The following CAV1 variants were observed in gnomAD, a reference collection of about 807,000 sequenced individuals.
The protein encoded by CAV1 is caveolin-1.
In CAV1, 10 loss-of-function variants were observed where a neutral mutation model predicts 16.5. The ratio of observed to expected loss-of-function variants is 0.61; its 90% CI spans 0.37 to 1.03. The LOEUF is 1.03. CAV1 is among the 50% of genes least tolerant of loss of function. The pLI is 0.01. For missense variants in CAV1, 212 were observed against 232.8 expected, an observed-to-expected ratio of 0.91 and a Z score of 0.58; for synonymous variants, 76 against 85.1, an observed-to-expected ratio of 0.89 and a Z score of 0.59.
intron 2 of CAV1, among the ~76,000 whole-genome samples, chr7:116,552,324 T>G (rs1794180067): frequency 6.6e-6 from 1 of 152,218 alleles, no homozygotes; most frequent in Non-Finnish European, 1.5e-5. Context: ...CTGATACAAT[T>G]TAGGTAGTGT....
At chr7:116,537,998 C>T (rs1793859512) in intron 2 of CAV1, among the ~76,000 whole-genome samples, 1 of 152,114 alleles carries the variant, frequency 6.6e-6, no homozygotes, top group African/African-American at 2.4e-5. Context: ...CCCTGATCAC[C>T]CAAGTTGGCC....
intron 2 of CAV1, among the ~76,000 whole-genome samples, chr7:116,556,959 C>G (rs111383874): frequency 0.014 from 2,173 of 152,294 alleles, 45 homozygotes; most frequent in African/African-American, 0.049. Flanking sequence ...TGCAGGAAAA[C>G]CAGAGCCCCT....
intron 2 of CAV1, among the ~76,000 whole-genome samples, chr7:116,539,181 T>C (rs990067759): frequency 6.6e-6 from 1 of 152,142 alleles, no homozygotes; most frequent in African/African-American, 2.4e-5. Context: ...CTCCTCAGAA[T>C]CAGCATCTCT....
chr7:116,558,868 T>C (rs1794344484), intron 2 of CAV1, 78 bp from the exon 3 acceptor site: 1 of 1,070,904 alleles, frequency 9.3e-7, no homozygotes, highest in African/African-American at 1.6e-5. Context: ...ACAGTATATG[T>C]CTATGGATAC....
At chr7:116,534,643 G>A (rs193278634) in intron 2 of CAV1, among the ~76,000 whole-genome samples, 2,740 of 151,192 alleles carry the variant, frequency 0.018, 30 homozygotes, top group Non-Finnish European at 0.026. Context: ...CTTGTGATCC[G>A]CTCGCCTCGG....
chr7:116,552,946 T>C (rs1794193707), intron 2 of CAV1, among the ~76,000 whole-genome samples: 1 of 152,226 alleles, frequency 6.6e-6, no homozygotes. Context: ...GACTGTAAAT[T>C]TTGAGCAGGC....
In CAV1 at chr7:116,559,127, A is replaced by G. The variant is rs749650689; in HGVS notation, c.377A>G (p.His126Arg). 1.2e-6 allele frequency: 2 copies of G among 1,613,980 alleles called. No homozygotes were observed. Among genetic ancestry groups the G allele is most frequent in the African/African-American group, 2.7e-5 (2 of 75,032 alleles). Residue 126 changes from histidine to arginine, a missense_variant, in exon 3 of 3, where the codon CAC (histidine) becomes CGC (arginine). By Grantham distance (29) the His-to-Arg change is conservative. Transcript: ENST00000341049. ...TACTTCGCCATTCTCTCTTTCCTGC[A>G]CATCTGGGCAGTTGTACCATGCATT... The part of the protein sequence containing the change: ...GIYFAILSFL[H>R]IWAVVPCIKS...
chr7:116,546,045 T>A (rs531666613), intron 2 of CAV1, among the ~76,000 whole-genome samples: 18 of 152,190 alleles, frequency 1.2e-4, no homozygotes, highest in Non-Finnish European at 2.6e-4. Context: ...ATGGCAAACA[T>A]GAGTGCCCCG....
chr7:116,529,551 C>T lies in CAV1; in HGVS notation c.195+2862C>T, dbSNP rs149779791. ...TGTTCTCTGCATTGTAAAAGCATCCCCTTGCCAAGTTAAAGAAAACAACAA... is the reference window on the plus strand; with the variant it reads ...TGTTCTCTGCATTGTAAAAGCATCCTCTTGCCAAGTTAAAGAAAACAACAA... On this transcript the variant is annotated intron_variant, in intron 2 of 2. Transcript: ENST00000341049. Among the ~76,000 whole-genome samples the T allele has an allele frequency of 9.9e-4, 151 of 152,192 alleles. 1 individual carries two copies. The highest frequency in any genetic ancestry group is 3.5e-3 in the African/African-American group (145 of 41,530).
chr7:116,544,050 G>C (rs914156690), intron 2 of CAV1, among the ~76,000 whole-genome samples: 1 of 152,134 alleles, frequency 6.6e-6, no homozygotes, highest in Non-Finnish European at 1.5e-5. Flanking sequence ...ACATGAAGGC[G>C]TTTGAATTCC....
chr7:116,533,818 A>C (rs915418320), intron 2 of CAV1, among the ~76,000 whole-genome samples: 1 of 152,216 alleles, frequency 6.6e-6, no homozygotes, highest in Non-Finnish European at 1.5e-5. Flanking sequence ...GCAAATAAAC[A>C]AGGCAAAATA....
intron 2 of CAV1, chr7:116,542,739 C>G (rs1476990290): frequency 6.6e-6 from 1 of 152,158 alleles, no homozygotes; most frequent in Non-Finnish European, 1.5e-5. Context: ...CTTTCCTTTG[C>G]CTGTTTATTT....
intron 2 of CAV1, among the ~76,000 whole-genome samples, chr7:116,550,752 A>T (rs1794143224): frequency 6.6e-6 from 1 of 152,204 alleles, no homozygotes; most frequent in Non-Finnish European, 1.5e-5. Flanking sequence ...GGATTTTACA[A>T]GTATGTATTT....
At chr7:116,527,334 T>C (rs1271824865) in intron 2 of CAV1, among the ~76,000 whole-genome samples, 1 of 152,230 alleles carries the variant, frequency 6.6e-6, no homozygotes, top group African/African-American at 2.4e-5. Context: ...AATGTATGCC[T>C]CTTGGTTTCT....
At chr7:116,558,031 G>C (rs74326412) in intron 2 of CAV1, among the ~76,000 whole-genome samples, 1 of 152,000 alleles carries the variant, frequency 6.6e-6, no homozygotes, top group South Asian at 2.1e-4. Context: ...CATTTCCAAC[G>C]TCCCATTGTT....
At chr7:116,525,229 C>T (rs764283191) in intron 1 of CAV1, 137 bp downstream of exon 1, 9 of 1,611,448 alleles carry the variant, frequency 5.6e-6, no homozygotes, top group Non-Finnish European at 6.8e-6. Context: ...GCGTTGGCAC[C>T]GCTGAGGAAT....
Position 116,559,427 on chromosome 7 carries a change from C to T in CAV1, c.*140C>T. ...GTTGAAAATAAAAAGATCACTTTCT[C>T]AGTTTTCATAAGTATTATGTCTCTT... On this transcript the variant is annotated 3_prime_UTR_variant, in exon 3 of 3. Coordinates refer to ENST00000341049, the MANE Select transcript of CAV1 (RefSeq NM_001753.5). 1.5e-6 allele frequency: 1 copy of T among 678,688 alleles called. No individual in the cohort carries two copies. The highest frequency in any genetic ancestry group is 2.6e-6 in the Non-Finnish European group (1 of 388,156). The allele number at this position is 678,688 out of a possible 1,614,324, so 42.0% of individuals were successfully genotyped here.
intron 2 of CAV1, among the ~76,000 whole-genome samples, chr7:116,552,537 A>C (rs1049269509): frequency 6.6e-6 from 1 of 152,220 alleles, no homozygotes; most frequent in African/African-American, 2.4e-5. Flanking sequence ...CATAAGCAAA[A>C]GTCTAGGGGT....
intron 1 of CAV1, 37 bp downstream of exon 1, chr7:116,525,129 G>A: frequency 6.2e-7 from 1 of 1,614,138 alleles, no homozygotes; most frequent in South Asian, 1.1e-5. Context: ...TCGGGCGTGC[G>A]GGGAGTGTCC....
Sources: allele counts gnomAD v4.1 joint callset (sites outside exome capture counted in the v4.1 genomes callset), GRCh38; gene constraint gnomAD v4.1.1; transcripts MANE v1.5; gene names NCBI Gene and HGNC (gene_info 2026-07-23, HGNC 2026-07-21).